Variants in TTLL5 observed in about 807,000 individuals in gnomAD.
TTLL5 encodes tubulin polyglutamylase TTLL5.
A neutral mutation model predicts 168.4 loss-of-function variants in TTLL5; 132 were observed. The observed-to-expected ratio is 0.78, with a 90% CI of 0.68 to 0.91. The LOEUF is 0.91. TTLL5 is among the 40% of genes least tolerant of loss of function. TTLL5 has a pLI of 0.00. For synonymous variants in TTLL5, 546 were observed against 558.6 expected (o/e 0.98, Z 0.32); for missense variants, 1,545 against 1,581.5 (o/e 0.98, Z 0.39).
At chr14:75,902,522 TATGTTGTATTTCCGC>T in intron 31 of TTLL5, 1 of 561,572 alleles carries the variant, frequency 1.8e-6, no homozygotes, top group Non-Finnish European at 3.4e-6. Flanking sequence ...TTTCACTGTC[TATGTTGTATTTCCGC>T]ATGTTGTATC....
At position 75,818,790 on chromosome 14, in the gene TTLL5, C is replaced by T. The variant is rs144506670; in HGVS notation, c.3172-1217C>T. Among the ~76,000 whole-genome samples, 1,251 of 152,058 alleles carry T rather than the reference C, an allele frequency of 8.2e-3. 17 individuals are homozygous for T. Among genetic ancestry groups the T allele is most frequent in the African/African-American group, 0.028 (1,179 of 41,440 alleles). ...TTGGGGTTACAGGCGTGAGCCACCA[C>T]GCCCGGACTATTTTTCAAAAAATGT... is the stretch of plus-strand genomic sequence containing the variant. On this transcript the variant is annotated intron_variant, in intron 27 of 31. Transcript: ENST00000298832.
chr14:75,936,204 T>C (rs767399786), intron 31 of TTLL5, among the ~76,000 whole-genome samples: 4 of 152,200 alleles, frequency 2.6e-5, no homozygotes, highest in Non-Finnish European at 5.9e-5. Context: ...TAAACTGCCA[T>C]GTTTTTACAG....
chr14:75,932,542 A>G (rs554152166), intron 31 of TTLL5, among the ~76,000 whole-genome samples: 18 of 152,168 alleles, frequency 1.2e-4, no homozygotes, highest in South Asian at 6.2e-4. Flanking sequence ...TTAACAGGCC[A>G]TTTTATTTTT....
chr14:75,893,547 A>G (rs2032505151), intron 30 of TTLL5, among the ~76,000 whole-genome samples: 1 of 152,212 alleles, frequency 6.6e-6, no homozygotes, highest in South Asian at 2.1e-4. Context: ...GGCTGGGCAC[A>G]GTGGCTCACG....
intron 29 of TTLL5, among the ~76,000 whole-genome samples, chr14:75,872,705 T>TTGGGGGTGG (rs1239234633): frequency 6.6e-6 from 1 of 151,674 alleles, no homozygotes; most frequent in Non-Finnish European, 1.5e-5. Context: ...AGATTGGGAG[T>TTGGGGGTGG]TCGAGACCAG....
At chr14:75,745,007 AATGATG>A in intron 15 of TTLL5, 82 bp from the exon 16 acceptor site, 1 of 1,024,690 alleles carries the variant, frequency 9.8e-7, no homozygotes, top group Non-Finnish European at 1.4e-6. Flanking sequence ...TTAGAAAAAT[AATGATG>A]TTGAGGGAAT....
chr14:75,672,216 GA>G (rs1475401745), intron 3 of TTLL5, among the ~76,000 whole-genome samples: 1 of 152,088 alleles, frequency 6.6e-6, no homozygotes, highest in Non-Finnish European at 1.5e-5. Context: ...CACTTTGTCA[GA>G]GTGTAATTGC....
intron 31 of TTLL5, among the ~76,000 whole-genome samples, chr14:75,950,876 G>A (rs1172001959): frequency 6.6e-6 from 1 of 152,078 alleles, no homozygotes; most frequent in East Asian, 1.9e-4. Flanking sequence ...ACTGAGGTGA[G>A]AGGATCACTT....
intron 30 of TTLL5, among the ~76,000 whole-genome samples, chr14:75,890,800 G>A (rs1225099253): frequency 2.6e-5 from 4 of 152,050 alleles, no homozygotes; most frequent in Non-Finnish European, 5.9e-5. Flanking sequence ...GCTCACTGCA[G>A]CCTCTGTCTC....
intron 9 of TTLL5, among the ~76,000 whole-genome samples, chr14:75,716,704 A>T (rs1459734128): frequency 6.6e-6 from 1 of 152,154 alleles, no homozygotes; most frequent in Non-Finnish European, 1.5e-5. Context: ...ATCTACCATA[A>T]CCATTCGCCT....
rs1891189599 is a variant in TTLL5, at chr14:75,770,071, G to T, written c.2016-1663G>T. ...TGAGCACCTGTAATCTTAGCTACTT[G>T]GGAGGCTGAGGCAGGAGAATCGCTT... On this transcript the variant is annotated intron_variant, in intron 20 of 31. Coordinates refer to ENST00000298832, the MANE Select transcript of TTLL5 (RefSeq NM_015072.5). Among the ~76,000 whole-genome samples the T allele has an allele frequency of 4.0e-5, 6 of 151,228 alleles. No homozygotes were observed. In the South Asian group the frequency reaches 1.3e-3, roughly 32 times the overall value.
intron 9 of TTLL5, among the ~76,000 whole-genome samples, chr14:75,716,387 G>A (rs1438737703): frequency 1.3e-5 from 2 of 151,872 alleles, no homozygotes; most frequent in African/African-American, 4.8e-5. Context: ...TTGGGTTTGG[G>A]GTTTTTTTTC....
At chr14:75,695,613 A>G (rs769948513) in intron 6 of TTLL5, among the ~76,000 whole-genome samples, 3 of 152,008 alleles carry the variant, frequency 2.0e-5, no homozygotes, top group Non-Finnish European at 2.9e-5. Context: ...CCAGCTTTAA[A>G]ATTTCTCTCT....
At position 75,752,909 on chromosome 14, in the gene TTLL5, A is replaced by G. The variant is rs1424165653; in HGVS notation, c.1504A>G (p.Lys502Glu). 1 of 1,613,488 alleles carries G rather than the reference A, an allele frequency of 6.2e-7. No homozygotes were observed. Among genetic ancestry groups the G allele is most frequent in the Non-Finnish European group, 8.5e-7 (1 of 1,179,732 alleles). Residue 502 changes from lysine (K) to glutamate (E), a missense_variant, in exon 18 of 32, where the codon AAG (lysine) becomes GAG (glutamate). Transcript: ENST00000298832. ...WEIYGSYLEHKTSMNYMLATR... is the reference protein window; with the variant it reads ...WEIYGSYLEHETSMNYMLATR... ...GCTTTTCAGGTCCTACCTCGAGCAT[A>G]AGACCTCAATGAACTATATGCTGGC... is the stretch of plus-strand genomic sequence containing the variant.
At chr14:75,700,042 A>G (rs1297034117) in intron 7 of TTLL5, among the ~76,000 whole-genome samples, 3 of 152,242 alleles carry the variant, frequency 2.0e-5, no homozygotes, top group Non-Finnish European at 4.4e-5. Context: ...GTTTTAAACA[A>G]TAATAGAATC....
At chr14:75,727,588 C>T (rs749485753) in intron 12 of TTLL5, among the ~76,000 whole-genome samples, 15 of 152,120 alleles carry the variant, frequency 9.9e-5, no homozygotes, top group Non-Finnish European at 1.9e-4. Flanking sequence ...TGTCCTATGT[C>T]TTGTGGTGGT....
At chr14:75,786,095 C>G (rs1271532402) in intron 26 of TTLL5, among the ~76,000 whole-genome samples, 2 of 152,034 alleles carry the variant, frequency 1.3e-5, no homozygotes, top group Non-Finnish European at 2.9e-5. Context: ...TAATATGCAG[C>G]TTGAGTCAGA....
intron 18 of TTLL5, among the ~76,000 whole-genome samples, chr14:75,754,214 T>G (rs1890114552): frequency 1.3e-5 from 2 of 152,356 alleles, no homozygotes; most frequent in Non-Finnish European, 1.5e-5. Context: ...GAACTATTTT[T>G]GCTTTTCGAT....
At chr14:75,793,585 T>C (rs1413940627) in intron 27 of TTLL5, among the ~76,000 whole-genome samples, 1 of 152,190 alleles carries the variant, frequency 6.6e-6, no homozygotes, top group African/African-American at 2.4e-5. Flanking sequence ...ATAATATCAT[T>C]CTCCCCATTT....
Sources: gnomAD v4.1 joint callset for allele counts (sites outside exome capture counted in the v4.1 genomes callset) on GRCh38, gnomAD v4.1.1 for gene constraint, MANE v1.5 for transcripts, NCBI Gene and HGNC (gene_info 2026-07-23, HGNC 2026-07-21) for gene names.